The following LHFPL6 variants were observed in gnomAD, a reference collection of about 807,000 sequenced individuals.
LHFPL6 encodes the protein LHFPL tetraspan subfamily member 6 protein.
A neutral mutation model predicts 20.6 loss-of-function variants in LHFPL6; 9 were observed. The ratio of observed to expected loss-of-function variants is 0.44; its 90% CI spans 0.26 to 0.76. The LOEUF is 0.76. LHFPL6 is among the 30% of genes least tolerant of loss of function. The probability of loss-of-function intolerance (pLI) is 0.20; values close to 1 mark genes in which losing one functional copy is unlikely to be tolerated. For missense variants in LHFPL6, 218 were observed against 253.5 expected (o/e 0.86, Z 0.95); for synonymous variants, 105 against 98.7 (o/e 1.06, Z -0.38).
intron 2 of LHFPL6, among the ~76,000 whole-genome samples, chr13:39,429,873 G>A (rs73460938): frequency 0.028 from 4,289 of 152,246 alleles, 175 homozygotes; most frequent in African/African-American, 0.09. Context: ...CCTCTCTGCA[G>A]CATTTGACAT....
chr13:39,534,088 GT>G (rs1476670055), intron 2 of LHFPL6, among the ~76,000 whole-genome samples: 1 of 152,038 alleles, frequency 6.6e-6, no homozygotes, highest in Non-Finnish European at 1.5e-5. Context: ...AAGAAATGAT[GT>G]TTTTCAATGA....
intron 2 of LHFPL6, among the ~76,000 whole-genome samples, chr13:39,384,040 A>G (rs1870503686): frequency 6.6e-6 from 1 of 152,196 alleles, no homozygotes; most frequent in Non-Finnish European, 1.5e-5. Flanking sequence ...CCTGGGCTAC[A>G]TCCCTTCCTG....
intron 2 of LHFPL6, among the ~76,000 whole-genome samples, chr13:39,464,885 A>C (rs1430457869): frequency 6.6e-6 from 1 of 152,144 alleles, no homozygotes; most frequent in East Asian, 1.9e-4. Context: ...ATTATACTGC[A>C]ATGAAATCTC....
intron 2 of LHFPL6, among the ~76,000 whole-genome samples, chr13:39,487,889 T>C (rs1223628373): frequency 1.3e-5 from 2 of 152,178 alleles, no homozygotes; most frequent in Non-Finnish European, 2.9e-5. Flanking sequence ...CTGCTAAAAA[T>C]ATAAAATTAG....
intron 2 of LHFPL6, among the ~76,000 whole-genome samples, chr13:39,403,995 T>C (rs1447520006): frequency 6.6e-6 from 1 of 152,188 alleles, no homozygotes; most frequent in Non-Finnish European, 1.5e-5. Flanking sequence ...TGCTGTTGTT[T>C]TTGCCTCAAG....
chr13:39,532,405 AT>A lies in LHFPL6; in HGVS notation c.385+68426del, dbSNP rs1049921541. On this transcript the variant is annotated intron_variant, in intron 2 of 3. Coordinates refer to ENST00000379589, the MANE Select transcript of LHFPL6 (RefSeq NM_005780.3). ...GACTTATTTTTGTGGCTGTATCACTATTTTTTCCAGTAAAATCCTACCCATA... is the reference window on the plus strand; with the variant it reads ...GACTTATTTTTGTGGCTGTATCACTATTTTTCCAGTAAAATCCTACCCATA... Among the ~76,000 whole-genome samples, 19 of 152,104 alleles carry A rather than the reference AT, an allele frequency of 1.2e-4. 1 individual carries two copies. The highest frequency in any genetic ancestry group is 4.6e-4 in the African/African-American group (19 of 41,404).
intron 1 of LHFPL6, among the ~76,000 whole-genome samples, chr13:39,602,480 G>A (rs1306116472): frequency 6.6e-6 from 1 of 152,124 alleles, no homozygotes; most frequent in African/African-American, 2.4e-5. Flanking sequence ...TCTGGGCCAC[G>A]AGGCTGGGGA....
intron 2 of LHFPL6, among the ~76,000 whole-genome samples, chr13:39,575,401 AT>A (rs1872083055): frequency 6.6e-6 from 1 of 152,180 alleles, no homozygotes; most frequent in Non-Finnish European, 1.5e-5. Context: ...GCATTTCTTT[AT>A]CTATATTAAA....
At chr13:39,531,474 G>A (rs1870463246) in intron 2 of LHFPL6, among the ~76,000 whole-genome samples, 1 of 152,112 alleles carries the variant, frequency 6.6e-6, no homozygotes, top group Non-Finnish European at 1.5e-5. Flanking sequence ...AATGTACTTT[G>A]GGGGTCTCAT....
intron 2 of LHFPL6, among the ~76,000 whole-genome samples, chr13:39,541,960 A>G (rs1870816023): frequency 6.6e-6 from 1 of 151,850 alleles, no homozygotes; most frequent in Admixed American, 6.6e-5. Flanking sequence ...GCATGGTGGC[A>G]GGCACCTGTA....
At chr13:39,588,877 A>G (rs1872527636) in intron 2 of LHFPL6, among the ~76,000 whole-genome samples, 1 of 152,226 alleles carries the variant, frequency 6.6e-6, no homozygotes, top group Non-Finnish European at 1.5e-5. Flanking sequence ...TTCCTACCCT[A>G]TTTGAAGAGA....
At chr13:39,489,852 G>A (rs1868859178) in intron 2 of LHFPL6, among the ~76,000 whole-genome samples, 1 of 152,118 alleles carries the variant, frequency 6.6e-6, no homozygotes, top group South Asian at 2.1e-4. Flanking sequence ...ACCATGCCTG[G>A]CCTGGCTTTT....
At chr13:39,387,158 T>C (rs9603531) in intron 2 of LHFPL6, among the ~76,000 whole-genome samples, 14,657 of 152,264 alleles carry the variant, frequency 0.096, 748 homozygotes, top group African/African-American at 0.13. Flanking sequence ...ATTTGTTAAA[T>C]ATTAAATATA....
chr13:39,402,204 C>T (rs1025387157), intron 2 of LHFPL6, among the ~76,000 whole-genome samples: 5 of 151,966 alleles, frequency 3.3e-5, no homozygotes, highest in African/African-American at 1.2e-4. Flanking sequence ...GTTTCTTTTG[C>T]TTTTTTAAAA....
At chr13:39,513,875 G>A (rs1296467615) in intron 2 of LHFPL6, among the ~76,000 whole-genome samples, 2 of 152,072 alleles carry the variant, frequency 1.3e-5, no homozygotes, top group African/African-American at 4.8e-5. Flanking sequence ...CTACCGTACT[G>A]GATATTTTAT....
chr13:39,393,389 C>G (rs1034671607), intron 2 of LHFPL6, among the ~76,000 whole-genome samples: 1 of 152,178 alleles, frequency 6.6e-6, no homozygotes, highest in East Asian at 1.9e-4. Context: ...ATATTTGTGT[C>G]ATGTTAGCAG....
chr13:39,583,300 G>A (rs1444832327), intron 2 of LHFPL6, among the ~76,000 whole-genome samples: 1 of 151,376 alleles, frequency 6.6e-6, no homozygotes, highest in African/African-American at 2.4e-5. Flanking sequence ...AGCCCCCTGA[G>A]TAGCTGGGAT....
intron 2 of LHFPL6, among the ~76,000 whole-genome samples, chr13:39,391,282 C>T (rs142987806): frequency 6.6e-6 from 1 of 152,128 alleles, no homozygotes; most frequent in African/African-American, 2.4e-5. Flanking sequence ...AACCAAACAC[C>T]CTGTGAATTT....
intron 2 of LHFPL6, among the ~76,000 whole-genome samples, chr13:39,537,248 C>G (rs1381461018): frequency 5.3e-5 from 8 of 152,226 alleles, no homozygotes; most frequent in Admixed American, 5.2e-4. Flanking sequence ...CCTCGGCACG[C>G]ACACCACACA....
Sources: allele counts gnomAD v4.1 joint callset (sites outside exome capture counted in the v4.1 genomes callset), GRCh38; gene constraint gnomAD v4.1.1; transcripts MANE v1.5; gene names NCBI Gene and HGNC (gene_info 2026-07-23, HGNC 2026-07-21).